The following NKAIN2 variants were observed in gnomAD, a reference collection of about 807,000 sequenced individuals.
The protein encoded by NKAIN2 is sodium/potassium transporting ATPase interacting 2.
NKAIN2 carries 14 observed loss-of-function variants against 32.6 expected under a neutral mutation model. The observed-to-expected ratio is 0.43, with a 90% confidence interval of 0.28 to 0.67. NKAIN2 has a LOEUF of 0.67. Among genes scored for constraint, NKAIN2 ranks in the 30% least tolerant of loss-of-function variants. NKAIN2 has a pLI of 0.17. For synonymous variants in NKAIN2, 80 were observed against 87.2 expected, an observed-to-expected ratio of 0.92 and a Z score of 0.46; for missense variants, 198 against 258.3, an observed-to-expected ratio of 0.77 and a Z score of 1.60.
chr6:123,999,583 C>G (rs563906681), intron 1 of NKAIN2, among the ~76,000 whole-genome samples: 1 of 152,108 alleles, frequency 6.6e-6, no homozygotes, highest in Non-Finnish European at 1.5e-5. Context: ...TTTTCACAAA[C>G]TTAAGTTTTA....
chr6:124,168,167 A>G (rs1224965985), intron 1 of NKAIN2, among the ~76,000 whole-genome samples: 1 of 152,146 alleles, frequency 6.6e-6, no homozygotes, highest in Non-Finnish European at 1.5e-5. Context: ...ATAGTGCACA[A>G]GTTCATATTA....
chr6:124,533,041 G>T (rs538676986), intron 3 of NKAIN2, among the ~76,000 whole-genome samples: 4 of 152,138 alleles, frequency 2.6e-5, no homozygotes, highest in Non-Finnish European at 5.9e-5. Context: ...TTTCCTACCC[G>T]TTTTGATGTA....
rs572681841 is a variant in NKAIN2 at position 124,591,433 on chromosome 6, G to A, written c.274-66753G>A. Among the ~76,000 whole-genome samples, 8 of 152,238 alleles carry A rather than the reference G, an allele frequency of 5.3e-5. No homozygotes were observed. The East Asian group carries it at 5.8e-4, about 11-fold the overall frequency. On this transcript the variant is annotated intron_variant, in intron 3 of 6. Transcript: ENST00000368417. ...TGGATTGAGAAACTGTGAGAGCCAA[G>A]CCTTCAAACCAGTATGTTCTTTTGG...
At chr6:124,233,036 T>G (rs1792540518) in intron 1 of NKAIN2, among the ~76,000 whole-genome samples, 1 of 152,108 alleles carries the variant, frequency 6.6e-6, no homozygotes, top group African/African-American at 2.4e-5. Flanking sequence ...TCTGAGTTGC[T>G]GGGGGTACAA....
intron 4 of NKAIN2, among the ~76,000 whole-genome samples, chr6:124,707,768 A>C (rs1337405384): frequency 2.0e-5 from 3 of 151,634 alleles, no homozygotes; most frequent in Non-Finnish European, 4.4e-5. Flanking sequence ...TAGGTTGCAA[A>C]AATTTTCTCC....
chr6:124,132,296 C>A (rs1174241444), intron 1 of NKAIN2, among the ~76,000 whole-genome samples: 1 of 152,174 alleles, frequency 6.6e-6, no homozygotes, highest in Admixed American at 6.5e-5. Flanking sequence ...ACCCACCTGA[C>A]CCTGCCCAAA....
chr6:124,239,917 A>G (rs1206158490), intron 1 of NKAIN2, among the ~76,000 whole-genome samples: 1 of 152,194 alleles, frequency 6.6e-6, no homozygotes, highest in Non-Finnish European at 1.5e-5. Flanking sequence ...AAAGAGATAT[A>G]GACACGAAAA....
chr6:124,705,355 T>A (rs1171651097), intron 4 of NKAIN2, among the ~76,000 whole-genome samples: 2 of 152,122 alleles, frequency 1.3e-5, no homozygotes, highest in East Asian at 3.9e-4. Context: ...AGAGGAATAA[T>A]CTGCTGTTAG....
intron 3 of NKAIN2, among the ~76,000 whole-genome samples, chr6:124,459,049 G>T (rs1776428260): frequency 6.6e-6 from 1 of 151,766 alleles, no homozygotes; most frequent in South Asian, 2.1e-4. Context: ...TGACTTTCTA[G>T]TTTTTGATCA....
At chr6:124,018,176 T>C (rs1207606120) in intron 1 of NKAIN2, among the ~76,000 whole-genome samples, 1 of 152,190 alleles carries the variant, frequency 6.6e-6, no homozygotes, top group African/African-American at 2.4e-5. Flanking sequence ...GCCTGAGCTG[T>C]ACCTTGGCCC....
At chr6:124,188,931 C>T (rs1331979738) in intron 1 of NKAIN2, among the ~76,000 whole-genome samples, 1 of 152,154 alleles carries the variant, frequency 6.6e-6, no homozygotes, top group African/African-American at 2.4e-5. Context: ...TTAGGGGAAA[C>T]ATAGCTGTTT....
At chr6:124,134,902 C>G (rs1582710863) in intron 1 of NKAIN2, among the ~76,000 whole-genome samples, 2 of 152,206 alleles carry the variant, frequency 1.3e-5, no homozygotes, top group South Asian at 4.1e-4. Context: ...GCAAAAGTAT[C>G]AGGTAACCTA....
intron 1 of NKAIN2, among the ~76,000 whole-genome samples, chr6:124,087,055 A>G (rs1784219146): frequency 1.3e-5 from 2 of 151,974 alleles, no homozygotes; most frequent in South Asian, 4.1e-4. Flanking sequence ...CCAATAATAT[A>G]TTTTAAAAAT....
chr6:124,199,589 G>C (rs1390716136), intron 1 of NKAIN2, among the ~76,000 whole-genome samples: 3 of 152,010 alleles, frequency 2.0e-5, no homozygotes, highest in African/African-American at 7.2e-5. Flanking sequence ...GTTCTTATTG[G>C]ATCAAAAAAT....
At chr6:124,344,456 A>G (rs1798300097) in intron 2 of NKAIN2, among the ~76,000 whole-genome samples, 1 of 151,556 alleles carries the variant, frequency 6.6e-6, no homozygotes, top group African/African-American at 2.4e-5. Flanking sequence ...GATTCTTCCT[A>G]CCCATGAGCA....
intron 1 of NKAIN2, among the ~76,000 whole-genome samples, chr6:124,242,750 G>A (rs1793171419): frequency 6.6e-6 from 1 of 152,186 alleles, no homozygotes; most frequent in South Asian, 2.1e-4. Flanking sequence ...CAGGGACATG[G>A]ATTAAACTGG....
intron 4 of NKAIN2, among the ~76,000 whole-genome samples, chr6:124,745,735 G>T (rs1000275766): frequency 2.6e-5 from 4 of 151,792 alleles, no homozygotes; most frequent in Non-Finnish European, 2.9e-5. Flanking sequence ...GTGTTTCTGT[G>T]TATTCTTTAG....
intron 4 of NKAIN2, among the ~76,000 whole-genome samples, chr6:124,774,468 T>C (rs1264227528): frequency 2.0e-5 from 3 of 152,134 alleles, no homozygotes; most frequent in African/African-American, 4.8e-5. Context: ...AGCAGGATTG[T>C]AGTTTGCACA....
intron 3 of NKAIN2, among the ~76,000 whole-genome samples, chr6:124,572,370 A>T (rs1781159997): frequency 6.6e-6 from 1 of 152,250 alleles, no homozygotes; most frequent in South Asian, 2.1e-4. Flanking sequence ...GTTAGCCATC[A>T]TACTAAATGT....
Sources: allele counts gnomAD v4.1 joint callset (sites outside exome capture counted in the v4.1 genomes callset), GRCh38; gene constraint gnomAD v4.1.1; transcripts MANE v1.5; gene names NCBI Gene and HGNC (gene_info 2026-07-23, HGNC 2026-07-21).